PKD1L1: variants seen among roughly 807,000 people sequenced by gnomAD.
PKD1L1 encodes the protein polycystin 1 like 1, transient receptor potential channel interacting, also known as polycystin-1-like protein 1.
Under a neutral mutation model 323.4 loss-of-function variants are expected in PKD1L1, and 236 were observed. That is an observed-to-expected ratio of 0.73 (90% CI 0.66 to 0.81). PKD1L1 has a LOEUF of 0.81. Among genes scored for constraint, PKD1L1 ranks in the 40% least tolerant of loss-of-function variants. The probability of loss-of-function intolerance (pLI) is 0.00; values close to 1 mark genes in which losing one functional copy is unlikely to be tolerated. For synonymous variants in PKD1L1, 1,344 were observed against 1,335.0 expected (o/e 1.01, Z -0.15); for missense variants, 3,320 against 3,508.0 (o/e 0.95, Z 1.35).
chr7:47,797,012 A>C lies in PKD1L1; in HGVS notation c.8194-862T>G, dbSNP rs78405464. ...AAGACTCCGTCTCAAAAAAAAAAAA[A>C]AAAACACCCAAACAAACATTTTAGC... On this transcript the variant is annotated intron_variant, in intron 54 of 56. Coordinates refer to ENST00000289672, the MANE Select transcript of PKD1L1 (RefSeq NM_138295.5). 7.3e-5 allele frequency among the ~76,000 whole-genome samples: 11 copies of C among 151,500 alleles called. No individual in the cohort carries two copies. The East Asian group carries it at 1.2e-3, about 16-fold the overall frequency.
At chr7:47,835,640 A>T (rs1785441863) in intron 37 of PKD1L1, among the ~76,000 whole-genome samples, 1 of 152,144 alleles carries the variant, frequency 6.6e-6, no homozygotes, top group South Asian at 2.1e-4. Context: ...ACCTCAGGTG[A>T]TCTGCCCACC....
intron 6 of PKD1L1, 39 bp downstream of exon 6, chr7:47,931,065 G>A (rs1583683710): frequency 6.3e-7 from 1 of 1,581,748 alleles, no homozygotes; most frequent in Non-Finnish European, 8.7e-7. Context: ...ACTGGGGATT[G>A]GAGAAGTGGT....
intron 56 of PKD1L1, among the ~76,000 whole-genome samples, chr7:47,781,333 C>G (rs1429510471): frequency 6.6e-6 from 1 of 151,578 alleles, no homozygotes; most frequent in African/African-American, 2.4e-5. Context: ...TATTTCCCTC[C>G]AGTCTGTGGA....
rs12702398 is a variant in PKD1L1 at position 47,882,241 on chromosome 7, C to G, written c.3266-156G>C. On this transcript the variant is annotated intron_variant, in intron 19 of 56. Coordinates refer to ENST00000289672, the MANE Select transcript of PKD1L1 (RefSeq NM_138295.5). ...CTTCAGCAGCCAAACATATTCAAGA[C>G]ATGTACTTTGTTAACATGTAATTAG... is the stretch of plus-strand genomic sequence containing the variant. Among the ~76,000 whole-genome samples, 47,395 of 151,888 alleles carry G rather than the reference C, an allele frequency of 0.31. 7,683 individuals are homozygous for G. Among genetic ancestry groups the G allele is most frequent in the Admixed American group, 0.41 (6,199 of 15,268 alleles).
chr7:47,885,566 T>C (rs1786663353), intron 18 of PKD1L1, 120 bp downstream of exon 18: 1 of 1,361,834 alleles, frequency 7.3e-7, no homozygotes, highest in East Asian at 2.3e-5. Flanking sequence ...AACCTGGCGC[T>C]TTCTGATTTA....
intron 55 of PKD1L1, among the ~76,000 whole-genome samples, chr7:47,793,476 C>T (rs575907406): frequency 6.6e-6 from 1 of 152,304 alleles, no homozygotes; most frequent in African/African-American, 2.4e-5. Context: ...GCATCTTGCT[C>T]ATTTTTCTCT....
Position 47,800,648 on chromosome 7 carries a change from C to T in PKD1L1, c.8193+1G>A, listed in dbSNP as rs1312430455. 1.2e-6 allele frequency: 2 copies of T among 1,612,852 alleles called. No individual in the cohort carries two copies. Among genetic ancestry groups the T allele is most frequent in the South Asian group, 1.1e-5 (1 of 91,060 alleles). On this transcript the variant is annotated splice_donor_variant, in intron 54 of 56. Transcript: ENST00000289672. LOFTEE classifies it high-confidence loss of function. ...TGAAAGTTGGGGATGTGTTTACTTA[C>T]CATTCCAAAACACAGTGTGGCAGAG...
chr7:47,835,083 A>G (rs776420402), intron 38 of PKD1L1, 44 bp from the exon 39 acceptor site: 1 of 1,609,916 alleles, frequency 6.2e-7, no homozygotes. Flanking sequence ...TTCCCCAGCA[A>G]TGAAGGGGCT....
intron 54 of PKD1L1, among the ~76,000 whole-genome samples, chr7:47,799,172 A>C (rs2128725437): frequency 6.6e-6 from 1 of 152,304 alleles, no homozygotes; most frequent in African/African-American, 2.4e-5. Context: ...GAATGAACAA[A>C]TGAGTGGATT....
chr7:47,872,046 CTAT>C (rs1786292010), intron 24 of PKD1L1, among the ~76,000 whole-genome samples: 1 of 152,200 alleles, frequency 6.6e-6, no homozygotes, highest in African/African-American at 2.4e-5. Flanking sequence ...CGGTAAAAAA[CTAT>C]TAATACTAAC....
intron 34 of PKD1L1, among the ~76,000 whole-genome samples, chr7:47,841,507 C>T (rs1785563091): frequency 1.3e-5 from 2 of 152,156 alleles, no homozygotes; most frequent in African/African-American, 2.4e-5. Flanking sequence ...TTCCAAGTTC[C>T]ACAAAACACT....
At chr7:47,891,835 C>A (rs912375900) in intron 15 of PKD1L1, among the ~76,000 whole-genome samples, 4 of 152,234 alleles carry the variant, frequency 2.6e-5, no homozygotes, top group African/African-American at 7.2e-5. Context: ...CAGCCTCTGT[C>A]TCCTTAGGTT....
chr7:47,925,187 T>C (rs1280645528), intron 7 of PKD1L1, among the ~76,000 whole-genome samples: 4 of 150,844 alleles, frequency 2.7e-5, no homozygotes, highest in African/African-American at 7.4e-5. Context: ...AAATAAAATA[T>C]CATACAAGAA....
Position 47,839,945 on chromosome 7 carries a change from T to C in PKD1L1, c.5553-283A>G, listed in dbSNP as rs190276220. On this transcript the variant is annotated intron_variant, in intron 35 of 56. Coordinates refer to ENST00000289672, the MANE Select transcript of PKD1L1 (RefSeq NM_138295.5). This position sits in a 1 kb window ranked among gnomAD's most constrained non-coding sequence, Gnocchi z 4.3. ...CTCGTTCATGTATTTGTCTCTGGTG[T>C]GGATTAGTCTAAAGTTAACCTTTTC... Among the ~76,000 whole-genome samples, 164 of 152,362 alleles carry C rather than the reference T, an allele frequency of 1.1e-3. No individual in the cohort carries two copies. The highest frequency in any genetic ancestry group is 2.2e-3 in the Admixed American group (33 of 15,306).
At chr7:47,789,616 C>A (rs1401901836) in intron 56 of PKD1L1, among the ~76,000 whole-genome samples, 1 of 152,062 alleles carries the variant, frequency 6.6e-6, no homozygotes, top group African/African-American at 2.4e-5. Context: ...GCTGAACACA[C>A]ACTTAGTTTA....
At position 47,905,345 on chromosome 7, in the gene PKD1L1, G is replaced by C; in HGVS notation, c.1523-20C>G. ...AGACGGCTGTGGCAAAAGAAAGGAA[G>C]GTATGTCTATGTCAACATAGGAGGG... On this transcript the variant is annotated intron_variant, in intron 10 of 56. Coordinates refer to ENST00000289672, the MANE Select transcript of PKD1L1 (RefSeq NM_138295.5). 3 of 1,611,420 alleles carry C rather than the reference G, an allele frequency of 1.9e-6. No individual in the cohort carries two copies. The highest frequency in any genetic ancestry group is 2.5e-6 in the Non-Finnish European group (3 of 1,178,786).
Position 47,846,987 on chromosome 7 carries a change from T to C in PKD1L1, c.5045A>G (p.Tyr1682Cys), listed in dbSNP as rs1417212821. Residue 1682 changes from tyrosine to cysteine, a missense_variant, in exon 32 of 57, where the codon TAT (tyrosine) becomes TGT (cysteine). Physicochemically the swap from Tyr to Cys is radical, Grantham distance 194 (BLOSUM62 -2). Transcript: ENST00000289672. ...PNRYLAKAVN[Y>C]TVHFQWIRCL... Reference sequence around the variant, plus strand: ...TCGGATCCACTGGAAATGTACTGTATAGTTCACTGCCTTAGCTAAATATCT... The same window carrying C: ...TCGGATCCACTGGAAATGTACTGTACAGTTCACTGCCTTAGCTAAATATCT... 1.2e-6 allele frequency: 2 copies of C among 1,613,770 alleles called. No individual in the cohort carries two copies. Among genetic ancestry groups the C allele is most frequent in the African/African-American group, 1.3e-5 (1 of 75,050 alleles).
chr7:47,851,867 T>G (rs1785789706), intron 31 of PKD1L1, among the ~76,000 whole-genome samples: 1 of 152,130 alleles, frequency 6.6e-6, no homozygotes, highest in African/African-American at 2.4e-5. Flanking sequence ...GTGTTGTAGA[T>G]TTTTAAAGGG....
chr7:47,908,387 G>T, intron 8 of PKD1L1, 137 bp from the exon 9 acceptor site: 1 of 820,616 alleles, frequency 1.2e-6, no homozygotes, highest in Non-Finnish European at 1.9e-6. Flanking sequence ...GTCTCTTGTA[G>T]CAGCAGGGCC....
Sources: gnomAD v4.1 joint callset for allele counts (sites outside exome capture counted in the v4.1 genomes callset) on GRCh38, gnomAD v4.1.1 for gene constraint, Gnocchi (gnomAD v3.1) non-coding constraint, MANE v1.5 for transcripts, NCBI Gene and HGNC (gene_info 2026-07-23, HGNC 2026-07-21) for gene names.